TACC2: variants seen among roughly 807,000 people sequenced by gnomAD.
TACC2 encodes transforming acidic coiled-coil-containing protein 2.
A neutral mutation model predicts 227.3 loss-of-function variants in TACC2; 137 were observed. That is an observed-to-expected ratio of 0.60 (90% CI 0.52 to 0.69). The LOEUF (loss-of-function observed/expected upper bound fraction) is 0.69. Among genes scored for constraint, TACC2 ranks in the 30% least tolerant of loss-of-function variants. The probability of loss-of-function intolerance (pLI) is 0.00; values close to 1 mark genes in which losing one functional copy is unlikely to be tolerated. For missense variants in TACC2, 3,470 were observed against 3,694.4 expected (o/e 0.94, Z 1.57); for synonymous variants, 1,523 against 1,487.5 (o/e 1.02, Z -0.55).
intron 5 of TACC2, 134 bp downstream of exon 5, chr10:122,088,725 C>T (rs747396340): frequency 3.4e-5 from 52 of 1,542,698 alleles, no homozygotes; most frequent in East Asian, 2.0e-4. Flanking sequence ...TGGCCATTCC[C>T]GTTTTATGTA....
chr10:122,157,538 C>T (rs1205061233), intron 7 of TACC2, among the ~76,000 whole-genome samples: 1 of 150,586 alleles, frequency 6.6e-6, no homozygotes, highest in Admixed American at 6.6e-5. Flanking sequence ...TTTAACCTGT[C>T]GGATTTTATG....
rs1394178694 is a variant in TACC2 at position 122,141,319 on chromosome 10, A to G, written c.5700-2253A>G. Among the ~76,000 whole-genome samples, 1 of 152,028 alleles carries G rather than the reference A, an allele frequency of 6.6e-6. No individual in the cohort carries two copies. The highest frequency in any genetic ancestry group is 1.9e-4 in the East Asian group (1 of 5,188). ...CTGACCTCCTCGGCCCCTGGGTATG[A>G]GCCAACAGGCGGTGGAAGGAGGGGG... On this transcript the variant is annotated intron_variant, in intron 6 of 22. Coordinates refer to ENST00000369005, the MANE Select transcript of TACC2 (RefSeq NM_206862.4). This position sits in a 1 kb window ranked among gnomAD's most constrained non-coding sequence, Gnocchi z 4.3.
chr10:122,239,510 C>T lies in TACC2; in HGVS notation c.8348+1473C>T, dbSNP rs370624185. On this transcript the variant is annotated intron_variant, in intron 18 of 22. Coordinates refer to ENST00000369005, the MANE Select transcript of TACC2 (RefSeq NM_206862.4). The stretch of plus-strand genomic sequence containing the variant: ...CCTAGCGTGCTATTTCACATTCAAA[C>T]GAAAGCCCTGCATTTGCATTATTTT... Among the ~76,000 whole-genome samples, 41 of 152,312 alleles carry T rather than the reference C, an allele frequency of 2.7e-4. 1 individual carries two copies. Among genetic ancestry groups the T allele is most frequent in the African/African-American group, 9.6e-4 (40 of 41,562 alleles).
At chr10:122,250,065 T>C (rs1210270439) in intron 22 of TACC2, among the ~76,000 whole-genome samples, 1 of 152,196 alleles carries the variant, frequency 6.6e-6, no homozygotes, top group Non-Finnish European at 1.5e-5. Flanking sequence ...ACATGAGCAG[T>C]GTCAGGGCTG....
chr10:122,048,727 G>A (rs1311323233), intron 2 of TACC2, among the ~76,000 whole-genome samples: 1 of 152,126 alleles, frequency 6.6e-6, no homozygotes, highest in Non-Finnish European at 1.5e-5. Flanking sequence ...CCAGAAGAGT[G>A]CCACCTTCTG....
chr10:121,991,105 A>C (rs1953010734), intron 1 of TACC2, among the ~76,000 whole-genome samples: 1 of 152,172 alleles, frequency 6.6e-6, no homozygotes, highest in Non-Finnish European at 1.5e-5. Flanking sequence ...TTGTTTTTAA[A>C]AATGCCTTTG....
At chr10:122,095,751 CG>C (rs1269332419) in intron 5 of TACC2, among the ~76,000 whole-genome samples, 2 of 152,226 alleles carry the variant, frequency 1.3e-5, no homozygotes, top group African/African-American at 4.8e-5. Context: ...CGCTGTCCAC[CG>C]ACGGTTCTTC....
intron 2 of TACC2, among the ~76,000 whole-genome samples, chr10:122,039,378 A>G (rs1175824006): frequency 2.0e-5 from 3 of 152,140 alleles, no homozygotes; most frequent in Non-Finnish European, 4.4e-5. Context: ...GGCAGCTGGC[A>G]TGGGTAAGGT....
chr10:122,108,915 AG>A (rs1156662114), intron 5 of TACC2, among the ~76,000 whole-genome samples: 1 of 151,576 alleles, frequency 6.6e-6, no homozygotes, highest in Non-Finnish European at 1.5e-5. Context: ...TTGTATTTTT[AG>A]TAGAGATGGG....
At chr10:122,070,095 G>T (rs552636909) in intron 3 of TACC2, among the ~76,000 whole-genome samples, 3 of 152,156 alleles carry the variant, frequency 2.0e-5, no homozygotes, top group Non-Finnish European at 4.4e-5. Flanking sequence ...TGGCAATGAG[G>T]ATTTATTCTA....
intron 16 of TACC2, among the ~76,000 whole-genome samples, chr10:122,232,095 A>G (rs1006220360): frequency 1.3e-5 from 2 of 152,280 alleles, no homozygotes; most frequent in African/African-American, 4.8e-5. Flanking sequence ...AGGGACAAGA[A>G]TGTCAATACA....
chr10:122,112,917 C>G (rs1415671222), intron 5 of TACC2: 5 of 151,960 alleles, frequency 3.3e-5, no homozygotes, highest in Non-Finnish European at 7.4e-5. Context: ...GCGGCGGGCG[C>G]CCTGCGCGAG....
intron 2 of TACC2, among the ~76,000 whole-genome samples, chr10:122,041,527 A>G (rs940103001): frequency 2.7e-5 from 4 of 150,368 alleles, no homozygotes; most frequent in Admixed American, 6.6e-5. Flanking sequence ...GCTCACTACA[A>G]TCTCCGCCTC....
Position 122,238,478 on chromosome 10 carries a change from G to A in TACC2, c.8348+441G>A, listed in dbSNP as rs753993892. 9.9e-5 allele frequency among the ~76,000 whole-genome samples: 15 copies of A among 152,086 alleles called. 1 individual carries two copies. In the South Asian group the frequency reaches 2.3e-3, roughly 23 times the overall value. ...ATTTATTTTTTTGAAACAGAGTTTC[G>A]CTCTTGTTGCCCAGGCTGGAGTGCA... On this transcript the variant is annotated intron_variant, in intron 18 of 22. Transcript: ENST00000369005.
chr10:122,008,806 C>A (rs1311259176), intron 1 of TACC2, among the ~76,000 whole-genome samples: 1 of 152,164 alleles, frequency 6.6e-6, no homozygotes, highest in Non-Finnish European at 1.5e-5. Context: ...CTCCTGACCT[C>A]AAGCGATCCA....
chr10:122,037,028 A>T (rs1454618745), intron 2 of TACC2, among the ~76,000 whole-genome samples: 2 of 152,072 alleles, frequency 1.3e-5, no homozygotes, highest in Non-Finnish European at 2.9e-5. Context: ...GGTCGGGGCT[A>T]TTTTTGATGA....
rs371339687 is a variant in TACC2 at position 122,215,482 on chromosome 10, A to G, written c.7344+31A>G. 37 of 1,594,798 alleles carry G rather than the reference A, an allele frequency of 2.3e-5. No individual in the cohort carries two copies. The African/African-American group carries it at 4.7e-4, about 20-fold the overall frequency. On this transcript the variant is annotated intron_variant, in intron 10 of 22. Transcript: ENST00000369005. ...GTGTTCCTTTGATCTTGATGGTTTTATGCCCCCCCCGGGGGAGGTTTTCTT... is the reference window on the plus strand; with the variant it reads ...GTGTTCCTTTGATCTTGATGGTTTTGTGCCCCCCCCGGGGGAGGTTTTCTT...
At chr10:122,037,763 T>A (rs180955390) in intron 2 of TACC2, among the ~76,000 whole-genome samples, 1 of 152,306 alleles carries the variant, frequency 6.6e-6, no homozygotes, top group Admixed American at 6.5e-5. Flanking sequence ...TCACGGCGCC[T>A]GAGTCTTTCT....
chr10:122,062,874 G>T (rs140817844), intron 3 of TACC2, among the ~76,000 whole-genome samples: 191 of 152,322 alleles, frequency 1.3e-3, no homozygotes, highest in Non-Finnish European at 2.1e-3. Flanking sequence ...TGGGCCTAGG[G>T]CTACACACAT....
Sources: allele counts gnomAD v4.1 joint callset (sites outside exome capture counted in the v4.1 genomes callset), GRCh38; gene constraint gnomAD v4.1.1; non-coding constraint Gnocchi (gnomAD v3.1); transcripts MANE v1.5; gene names NCBI Gene and HGNC (gene_info 2026-07-23, HGNC 2026-07-21).